Variants in CTTNBP2 observed in about 807,000 individuals in gnomAD.
CTTNBP2 encodes cortactin binding protein 2.
CTTNBP2 carries 108 observed loss-of-function variants against 156.9 expected under a neutral mutation model. The observed-to-expected ratio is 0.69, with a 90% CI of 0.59 to 0.81. CTTNBP2 has a LOEUF of 0.81. Among genes scored for constraint, CTTNBP2 ranks in the 30% least tolerant of loss-of-function variants. CTTNBP2 has a pLI of 0.00. For synonymous variants in CTTNBP2, 767 were observed against 751.8 expected (o/e 1.02, Z -0.33); for missense variants, 1,924 against 2,035.4 (o/e 0.95, Z 1.05).
intron 1 of CTTNBP2, among the ~76,000 whole-genome samples, chr7:117,871,068 T>TA: frequency 6.6e-6 from 1 of 152,282 alleles, no homozygotes; most frequent in East Asian, 1.9e-4. Flanking sequence ...AATGTATACA[T>TA]AAAAATGCAC....
chr7:117,853,924 A>C (rs1423820332), intron 2 of CTTNBP2, among the ~76,000 whole-genome samples: 1 of 152,226 alleles, frequency 6.6e-6, no homozygotes, highest in Non-Finnish European at 1.5e-5. Context: ...ATGGAAAAGC[A>C]ATGTTTTGCA....
At chr7:117,796,713 G>T (rs1799342482) in intron 3 of CTTNBP2, among the ~76,000 whole-genome samples, 1 of 152,206 alleles carries the variant, frequency 6.6e-6, no homozygotes, top group South Asian at 2.1e-4. Context: ...AAATGTGTGT[G>T]TGACTTTGCA....
At chr7:117,836,419 C>T (rs997113075) in intron 2 of CTTNBP2, among the ~76,000 whole-genome samples, 1 of 152,124 alleles carries the variant, frequency 6.6e-6, no homozygotes, top group Non-Finnish European at 1.5e-5. Context: ...AAAAAATTAG[C>T]CAGGCGTGGT....
intron 6 of CTTNBP2, among the ~76,000 whole-genome samples, chr7:117,781,981 G>C (rs775406086): frequency 6.6e-6 from 1 of 152,022 alleles, no homozygotes; most frequent in Admixed American, 6.6e-5. Context: ...AGGGTAATGA[G>C]GTATGTGGTA....
intron 4 of CTTNBP2, chr7:117,786,515 G>A (rs906076877): frequency 5.3e-6 from 2 of 378,282 alleles, no homozygotes; most frequent in South Asian, 2.0e-5. Context: ...TTATAAACAC[G>A]AAGGCATAAA....
At chr7:117,743,346 A>G (rs1009740022) in intron 14 of CTTNBP2, among the ~76,000 whole-genome samples, 4 of 152,194 alleles carry the variant, frequency 2.6e-5, no homozygotes, top group South Asian at 2.1e-4. Context: ...ATAACAGGGG[A>G]AAAATGATGT....
chr7:117,724,699 C>T lies in CTTNBP2; in HGVS notation c.4295G>A (p.Gly1432Glu). ...GGAAACTATGGATAAAGGGAAACTT[C>T]CTCCTTTGAAATCAGCTGTATGCTG... The part of the protein sequence containing the change: ...LDQHTADFKG[G>E]SFPLSIVSSY... The change falls in exon 19 of 23, where the codon GGA becomes GAA. Residue 1432 changes from glycine to glutamate, a missense_variant. By Grantham distance (98) the Gly-to-Glu change is moderately conservative. Transcript: ENST00000160373. The T allele has an allele frequency of 1.2e-6, 2 of 1,614,190 alleles. No homozygotes were observed. Among genetic ancestry groups the T allele is most frequent in the Non-Finnish European group, 1.7e-6 (2 of 1,180,028 alleles).
chr7:117,865,415 CT>C (rs1804104798), intron 1 of CTTNBP2, among the ~76,000 whole-genome samples: 1 of 151,802 alleles, frequency 6.6e-6, no homozygotes, highest in Non-Finnish European at 1.5e-5. Context: ...AATCCTAGCA[CT>C]TTGGGAGGCC....
intron 2 of CTTNBP2, among the ~76,000 whole-genome samples, chr7:117,841,741 C>A: frequency 6.6e-6 from 1 of 152,338 alleles, no homozygotes; most frequent in Middle Eastern, 3.4e-3. Flanking sequence ...CATGATTATA[C>A]AGGCAGAGAC....
chr7:117,792,314 A>T lies in CTTNBP2; in HGVS notation c.882T>A (p.Ser294=), dbSNP rs773364846. Residue 294 remains serine (S), a synonymous_variant, in exon 4 of 23, where the codon TCT becomes TCA. Coordinates refer to ENST00000160373, the MANE Select transcript of CTTNBP2 (RefSeq NM_033427.3). This position sits in a 1 kb window ranked among gnomAD's most constrained non-coding sequence, Gnocchi z 4.2. ...KTKDRRLVSI[S]VGTEGTVTRS... ...TTGTCACAGTTCCTTCTGTTCCCACAGATATGGAAACCAAACGCCTATCTT... is the reference window on the plus strand; with the variant it reads ...TTGTCACAGTTCCTTCTGTTCCCACTGATATGGAAACCAAACGCCTATCTT... The T allele has an allele frequency of 1.9e-6, 3 of 1,614,188 alleles. No homozygotes were observed. In the Admixed American group the frequency reaches 5.0e-5, roughly 27 times the overall value.
At chr7:117,852,389 A>G (rs1179188365) in intron 2 of CTTNBP2, among the ~76,000 whole-genome samples, 3 of 152,160 alleles carry the variant, frequency 2.0e-5, no homozygotes, top group Non-Finnish European at 4.4e-5. Context: ...TAATGACTAA[A>G]ATATGCAAAG....
chr7:117,812,427 C>A, intron 2 of CTTNBP2, among the ~76,000 whole-genome samples: 1 of 151,746 alleles, frequency 6.6e-6, no homozygotes, highest in East Asian at 1.9e-4. Context: ...AATTGGAAAA[C>A]TACACTTTTC....
chr7:117,711,800 CCACACAAGTTTA>C lies in CTTNBP2; in HGVS notation c.4747-30_4747-19del. The C allele has an allele frequency of 6.3e-7, 1 of 1,596,712 alleles. No homozygotes were observed. The highest frequency in any genetic ancestry group is 8.5e-7 in the Non-Finnish European group (1 of 1,170,194). On this transcript the variant is annotated intron_variant, in intron 22 of 22. Transcript: ENST00000160373. ...CTGACCTCCTGTAAGAGACAAGAAACCACACAAGTTTATCACAAACTTCTCCTGTTATGAGCC... is the reference window on the plus strand; with the variant it reads ...CTGACCTCCTGTAAGAGACAAGAAACTCACAAACTTCTCCTGTTATGAGCC...
chr7:117,735,173 G>A (rs927413068), intron 15 of CTTNBP2, 73 bp from the exon 16 acceptor site: 44 of 1,583,982 alleles, frequency 2.8e-5, no homozygotes, highest in Middle Eastern at 1.7e-4. Flanking sequence ...TTAAAATAAC[G>A]TAAAGAACAT....
Position 117,721,058 on chromosome 7 carries a change from G to C in CTTNBP2, c.4511+9C>G. ...TTTGCTGTGAGTTAAATTTGAAAGG[G>C]GAACTTACTTTTGTTTTGACAGAGA... On this transcript the variant is annotated intron_variant, in intron 20 of 22. Transcript: ENST00000160373. 1.3e-6 allele frequency: 2 copies of C among 1,564,292 alleles called. No homozygotes were observed. Among genetic ancestry groups the C allele is most frequent in the Non-Finnish European group, 1.8e-6 (2 of 1,134,886 alleles).
At chr7:117,868,833 C>T (rs565543020) in intron 1 of CTTNBP2, among the ~76,000 whole-genome samples, 23 of 152,236 alleles carry the variant, frequency 1.5e-4, no homozygotes, top group Non-Finnish European at 2.9e-4. Context: ...CTGCTCCATC[C>T]TTCCTAGGCA....
intron 2 of CTTNBP2, among the ~76,000 whole-genome samples, chr7:117,821,044 T>C (rs1006023549): frequency 1.3e-5 from 2 of 152,196 alleles, no homozygotes; most frequent in African/African-American, 2.4e-5. Flanking sequence ...ATTTTTCTAA[T>C]AGTATGTAGG....
intron 10 of CTTNBP2, among the ~76,000 whole-genome samples, chr7:117,759,040 C>CTGTGGACAAA: frequency 6.6e-6 from 1 of 152,226 alleles, no homozygotes. Context: ...AGTAATACTC[C>CTGTGGACAAA]ATGTGTGGAC....
At chr7:117,799,273 A>C (rs572722103) in intron 3 of CTTNBP2, among the ~76,000 whole-genome samples, 4 of 152,082 alleles carry the variant, frequency 2.6e-5, no homozygotes, top group Middle Eastern at 3.4e-3. Context: ...AAATATAGGC[A>C]AATGAAATCC....
Sources: allele counts gnomAD v4.1 joint callset (sites outside exome capture counted in the v4.1 genomes callset), GRCh38; gene constraint gnomAD v4.1.1; non-coding constraint Gnocchi (gnomAD v3.1); transcripts MANE v1.5; gene names NCBI Gene and HGNC (gene_info 2026-07-23, HGNC 2026-07-21).